Variants in B4GALNT3 observed in about 807,000 individuals in gnomAD.
The protein encoded by B4GALNT3 is beta-1,4-N-acetylgalactosaminyltransferase 3.
A neutral mutation model predicts 120.2 loss-of-function variants in B4GALNT3; 86 were observed. The observed-to-expected ratio is 0.72, with a 90% CI of 0.60 to 0.86. The LOEUF is 0.86. Among genes scored for constraint, B4GALNT3 ranks in the 40% least tolerant of loss-of-function variants. The probability of loss-of-function intolerance (pLI) is 0.00; values close to 1 mark genes in which losing one functional copy is unlikely to be tolerated. For missense variants in B4GALNT3, 1,167 were observed against 1,298.9 expected, an observed-to-expected ratio of 0.90 and a Z score of 1.56; for synonymous variants, 518 against 510.4, an observed-to-expected ratio of 1.01 and a Z score of -0.20.
chr12:510,424 G>C (rs1946535364), intron 1 of B4GALNT3, among the ~76,000 whole-genome samples: 1 of 124,544 alleles, frequency 8.0e-6, no homozygotes, highest in African/African-American at 2.7e-5. Flanking sequence ...TCTTCCTACT[G>C]TGACCTGAGA....
chr12:535,854 A>G (rs1946853106), intron 2 of B4GALNT3, among the ~76,000 whole-genome samples: 1 of 152,134 alleles, frequency 6.6e-6, no homozygotes, highest in Non-Finnish European at 1.5e-5. Flanking sequence ...GAACCTGTGG[A>G]CCTGCACAAT....
intron 1 of B4GALNT3, among the ~76,000 whole-genome samples, chr12:529,606 C>T (rs913739289): frequency 6.6e-6 from 1 of 152,210 alleles, no homozygotes; most frequent in Non-Finnish European, 1.5e-5. Flanking sequence ...TGTGTGTGCA[C>T]GTGGCACATT....
At chr12:545,834 G>GGA (rs1254993868) in intron 6 of B4GALNT3, among the ~76,000 whole-genome samples, 1 of 50,430 alleles carries the variant, frequency 2.0e-5, no homozygotes, top group African/African-American at 1.0e-4. Flanking sequence ...GGAGTGGGGA[G>GGA]GTGAGGAGTG....
intron 1 of B4GALNT3, among the ~76,000 whole-genome samples, chr12:521,171 G>A (rs531480594): frequency 9.2e-5 from 14 of 152,244 alleles, no homozygotes; most frequent in Admixed American, 5.2e-4. Flanking sequence ...GTCTAATGGC[G>A]TTAGAAGGAT....
chr12:476,193 T>A (rs79429899), intron 1 of B4GALNT3, among the ~76,000 whole-genome samples: 2,894 of 152,356 alleles, frequency 0.019, 80 homozygotes, highest in South Asian at 0.096. Context: ...ATGGGACTAT[T>A]AATGGTACCT....
chr12:504,358 T>C (rs558494057), intron 1 of B4GALNT3, among the ~76,000 whole-genome samples: 14 of 149,542 alleles, frequency 9.4e-5, no homozygotes, highest in African/African-American at 2.5e-4. Flanking sequence ...ACACCAGAAT[T>C]TAAGTAAAAT....
At chr12:558,415 A>G (rs765914304) in intron 17 of B4GALNT3, 93 bp from the exon 18 acceptor site, 39 of 1,238,440 alleles carry the variant, frequency 3.1e-5, no homozygotes, top group Non-Finnish European at 4.1e-5. Flanking sequence ...AATCACTCCA[A>G]TAGGGAAGAC....
At chr12:502,317 ACTTGGAGCAACTGTCGTAGTTAAGCGCC>A (rs1277309128) in intron 1 of B4GALNT3, among the ~76,000 whole-genome samples, 1 of 152,132 alleles carries the variant, frequency 6.6e-6, no homozygotes, top group Non-Finnish European at 1.5e-5. Context: ...AGGTGCTCTG[ACTTGGAGCAACTGTCGTAGTTAAGCGCC>A]TCTTCTGCCT....
chr12:512,190 TCCGCCTTCCACCTTCCA>T (rs1946583616), intron 1 of B4GALNT3, among the ~76,000 whole-genome samples: 2 of 85,576 alleles, frequency 2.3e-5, no homozygotes, highest in Non-Finnish European at 4.3e-5. Context: ...CCTTCCACCT[TCCGCCTTCCACCTTCCA>T]CCTTCCACCT....
rs776485834 is a variant in B4GALNT3 at position 556,670 on chromosome 12, T to C, written c.2184T>C (p.Tyr728=). The C allele has an allele frequency of 6.2e-7, 1 of 1,613,974 alleles. No homozygotes were observed. The highest frequency in any genetic ancestry group is 8.5e-7 in the Non-Finnish European group (1 of 1,180,026). ...AGCGCGTGGTGCGGCTCTCGGAGTA[T>C]GTGTCTGCACGAGGCTGGCAGGGCA... ...QGQRVVRLSE[Y]VSARGWQGID... Residue 728 remains tyrosine (Y), a synonymous_variant, in exon 15 of 20, where the codon TAT becomes TAC. Coordinates refer to ENST00000266383, the MANE Select transcript of B4GALNT3 (RefSeq NM_173593.4).
Position 553,180 on chromosome 12 carries a change from G to C in B4GALNT3, c.1271-14G>C. 6.2e-7 allele frequency: 1 copy of C among 1,607,724 alleles called. No individual in the cohort carries two copies. Among genetic ancestry groups the C allele is most frequent in the South Asian group, 1.1e-5 (1 of 90,990 alleles). On this transcript the variant is annotated splice_polypyrimidine_tract_variant and intron_variant, in intron 13 of 19. Transcript: ENST00000266383. ...GAAACTCTTGACATGAGGAATGGTT[G>C]TTATTAATAGCAGGTTTTGAGGAAA...
chr12:498,097 G>C (rs1382904268), intron 1 of B4GALNT3, among the ~76,000 whole-genome samples: 1 of 152,012 alleles, frequency 6.6e-6, no homozygotes, highest in African/African-American at 2.4e-5. Flanking sequence ...TCACTGCCCT[G>C]TCGGTTGCGA....
At position 548,802 on chromosome 12, in the gene B4GALNT3, G is replaced by C. The variant is rs1232130982; in HGVS notation, c.853+505G>C. ...GCGCATGCCTGTAGTCACAGCTACTGGGAAGGATCGCTTGAGCCCAGGAGT... is the reference window on the plus strand; with the variant it reads ...GCGCATGCCTGTAGTCACAGCTACTCGGAAGGATCGCTTGAGCCCAGGAGT... On this transcript the variant is annotated intron_variant, in intron 9 of 19. Coordinates refer to ENST00000266383, the MANE Select transcript of B4GALNT3 (RefSeq NM_173593.4). The surrounding 1 kb of genome is among the most constrained non-coding windows in gnomAD (Gnocchi z 4.9). Among the ~76,000 whole-genome samples, 1 of 152,110 alleles carries C rather than the reference G, an allele frequency of 6.6e-6. No homozygotes were observed. Among genetic ancestry groups the C allele is most frequent in the Non-Finnish European group, 1.5e-5 (1 of 68,032 alleles).
At chr12:510,524 G>C (rs149058358) in intron 1 of B4GALNT3, among the ~76,000 whole-genome samples, 1 of 121,198 alleles carries the variant, frequency 8.3e-6, no homozygotes, top group African/African-American at 2.8e-5. Context: ...GAGCAAGTCA[G>C]ACTCTGGTGA....
chr12:559,996 A>G (rs540236979), intron 19 of B4GALNT3, among the ~76,000 whole-genome samples: 67 of 152,312 alleles, frequency 4.4e-4, no homozygotes, highest in Admixed American at 6.5e-4. Context: ...AGAAGAACAC[A>G]GTACAAGCTG....
rs1946433627 is a variant in B4GALNT3 at position 500,865 on chromosome 12, C to CTTTTTTTTTTTTGTTTTTTT, written c.170-34289_170-34288insGTTTTTTTTTTTTTTTTTTT. On this transcript the variant is annotated intron_variant, in intron 1 of 19. Coordinates refer to ENST00000266383, the MANE Select transcript of B4GALNT3 (RefSeq NM_173593.4). The stretch of plus-strand genomic sequence containing the variant: ...CTGAATTTGAATCCTGGCTCCACTG[C>CTTTTTTTTTTTTGTTTTTTT]TTTTTTTTTTTTTTTTTTTTGACAC... Among the ~76,000 whole-genome samples the CTTTTTTTTTTTTGTTTTTTT allele has an allele frequency of 3.2e-5, 2 of 61,830 alleles. 1 individual carries two copies. The highest frequency in any genetic ancestry group is 1.5e-4 in the African/African-American group (2 of 13,344). The allele number at this position is 61,830 out of a possible 152,430, so 40.6% of individuals were successfully genotyped here. A position where few individuals can be genotyped will look rare whatever the true frequency, so the allele number is the denominator to read the frequency against.
intron 1 of B4GALNT3, among the ~76,000 whole-genome samples, chr12:513,090 C>T (rs1201239435): frequency 6.7e-6 from 1 of 148,858 alleles, no homozygotes; most frequent in Non-Finnish European, 1.5e-5. Context: ...CACCTTCCAC[C>T]TTCCGCCTTC....
At chr12:538,378 G>A (rs1322260839) in intron 3 of B4GALNT3, among the ~76,000 whole-genome samples, 2 of 151,638 alleles carry the variant, frequency 1.3e-5, no homozygotes, top group African/African-American at 4.8e-5. Flanking sequence ...GCAACATGGT[G>A]AGACCTTGTC....
At chr12:462,080 C>T (rs1473168782) in intron 1 of B4GALNT3, among the ~76,000 whole-genome samples, 3 of 152,230 alleles carry the variant, frequency 2.0e-5, no homozygotes, top group Admixed American at 6.5e-5. Context: ...CAAAATCTGC[C>T]GCCCATAGTG....
Sources: gnomAD v4.1 joint callset for allele counts (sites outside exome capture counted in the v4.1 genomes callset) on GRCh38, gnomAD v4.1.1 for gene constraint, Gnocchi (gnomAD v3.1) non-coding constraint, MANE v1.5 for transcripts, NCBI Gene and HGNC (gene_info 2026-07-23, HGNC 2026-07-21) for gene names.